The following AFAP1L2 variants were observed in gnomAD, a reference collection of about 807,000 sequenced individuals.
The protein encoded by AFAP1L2 is actin filament associated protein 1 like 2, also known as actin filament-associated protein 1-like 2.
In AFAP1L2, 46 loss-of-function variants were observed where a neutral mutation model predicts 99.3. The ratio of observed to expected loss-of-function variants is 0.46; its 90% CI spans 0.37 to 0.59. The LOEUF (loss-of-function observed/expected upper bound fraction) is 0.59. Among genes scored for constraint, AFAP1L2 ranks in the 20% least tolerant of loss-of-function variants. The pLI, the probability that AFAP1L2 is intolerant of heterozygous loss-of-function variation, is 0.00. For synonymous variants in AFAP1L2, 397 were observed against 419.1 expected (o/e 0.95, Z 0.64); for missense variants, 959 against 1,034.9 (o/e 0.93, Z 1.01).
At position 114,300,679 on chromosome 10, in the gene AFAP1L2, G is replaced by A. The variant is rs781265981; in HGVS notation, c.1554C>T (p.Thr518=). 49 of 1,592,046 alleles carry A rather than the reference G, an allele frequency of 3.1e-5. No homozygotes were observed. Among genetic ancestry groups the A allele is most frequent in the Admixed American group, 2.0e-4 (12 of 58,816 alleles). Reference sequence around the variant, plus strand: ...CATCTGCAACAGGGGTGGCTTCCTCGGTAGGCTCCACCTGCAGGAGAGAGT... The same window carrying A: ...CATCTGCAACAGGGGTGGCTTCCTCAGTAGGCTCCACCTGCAGGAGAGAGT... ...LSELTAAVEP[T]EEATPVADDP... The change falls in exon 14 of 19, where the codon ACC becomes ACT. Residue 518 remains threonine (T), a synonymous_variant. Coordinates refer to ENST00000304129, the MANE Select transcript of AFAP1L2 (RefSeq NM_001001936.3).
chr10:114,307,984 G>T, intron 9 of AFAP1L2, 75 bp from the exon 10 acceptor site: 1 of 1,325,524 alleles, frequency 7.5e-7, no homozygotes, highest in South Asian at 1.2e-5. Context: ...GGAAAAAATA[G>T]CAAACCCATT....
At chr10:114,353,490 T>C (rs540099949) in intron 1 of AFAP1L2, among the ~76,000 whole-genome samples, 175 of 152,324 alleles carry the variant, frequency 1.1e-3, no homozygotes, top group African/African-American at 3.9e-3. Flanking sequence ...CCAATTCTAG[T>C]TCATTCTGTG....
At chr10:114,286,036 C>T in the AFAP1L2 span, 7,821 of 1,614,166 alleles carry the variant, frequency 4.8e-3, 37 homozygotes, top group South Asian at 0.01. Flanking sequence ...CCAAAGTCTT[C>T]GTGAAGCGGT....
At chr10:114,310,318 A>G (rs762205309) in intron 8 of AFAP1L2, 36 bp downstream of exon 8, 1 of 1,572,844 alleles carries the variant, frequency 6.4e-7, no homozygotes, top group Non-Finnish European at 8.6e-7. Context: ...GAAAACATGG[A>G]AGGGGACTCT....
At chr10:114,358,576 T>C (rs1245188103) in intron 1 of AFAP1L2, among the ~76,000 whole-genome samples, 1 of 152,004 alleles carries the variant, frequency 6.6e-6, no homozygotes, top group Admixed American at 6.6e-5. Flanking sequence ...CAAATAACAA[T>C]AACAATAATA....
chr10:114,312,200 G>C (rs988851791), intron 7 of AFAP1L2, among the ~76,000 whole-genome samples: 18 of 152,076 alleles, frequency 1.2e-4, no homozygotes, highest in East Asian at 7.7e-4. Flanking sequence ...TGAGCAGTCA[G>C]AGGAACAGAG....
chr10:114,337,550 T>A (rs7894646), intron 2 of AFAP1L2, among the ~76,000 whole-genome samples: 92,701 of 152,146 alleles, frequency 0.61, 33,831 homozygotes, highest in East Asian at 0.91. Flanking sequence ...GGGGAACCCA[T>A]GACCAGTTCT....
intron 1 of AFAP1L2, among the ~76,000 whole-genome samples, chr10:114,382,588 C>CTTCTTTTTTTTTTTTTT (rs747277134): frequency 2.1e-5 from 2 of 93,294 alleles, no homozygotes; most frequent in African/African-American, 8.1e-5. Flanking sequence ...TATTTCTTCT[C>CTTCTTTTTTTTTTTTTT]TTTTTTTTTT....
At chr10:114,302,209 C>T in intron 12 of AFAP1L2, 130 bp downstream of exon 12, 1 of 1,362,864 alleles carries the variant, frequency 7.3e-7, no homozygotes, top group African/African-American at 1.4e-5. Flanking sequence ...CTTGGCTTCA[C>T]ATTTTCCTGC....
At chr10:114,376,115 C>T (rs1489030689) in intron 1 of AFAP1L2, among the ~76,000 whole-genome samples, 1 of 152,188 alleles carries the variant, frequency 6.6e-6, no homozygotes, top group African/African-American at 2.4e-5. Context: ...ACAGTTTCCT[C>T]CTACCTCTGC....
At chr10:114,401,595 T>A (rs997837513) in intron 1 of AFAP1L2, among the ~76,000 whole-genome samples, 1 of 152,152 alleles carries the variant, frequency 6.6e-6, no homozygotes, top group Non-Finnish European at 1.5e-5. Flanking sequence ...CTCATAAAAG[T>A]GCCATCTCTC....
chr10:114,337,577 C>G lies in AFAP1L2; in HGVS notation c.145+3026G>C, dbSNP rs140814268. ...ACCAGTTCTCAGCAGCTTCCCACCCCCTACGAGCTGCAGAGTCCACGGAGA... is the reference window on the plus strand; with the variant it reads ...ACCAGTTCTCAGCAGCTTCCCACCCGCTACGAGCTGCAGAGTCCACGGAGA... On this transcript the variant is annotated intron_variant, in intron 2 of 18. Transcript: ENST00000304129. Among the ~76,000 whole-genome samples the G allele has an allele frequency of 2.0e-3, 311 of 152,296 alleles. 1 individual carries two copies. Among genetic ancestry groups the G allele is most frequent in the Non-Finnish European group, 2.5e-3 (171 of 68,026 alleles).
At chr10:114,398,171 G>A (rs547264027) in intron 1 of AFAP1L2, among the ~76,000 whole-genome samples, 3 of 152,272 alleles carry the variant, frequency 2.0e-5, no homozygotes, top group East Asian at 1.9e-4. Context: ...TATGAGAGTC[G>A]AGTGATAGAA....
intron 1 of AFAP1L2, among the ~76,000 whole-genome samples, chr10:114,370,367 G>A (rs921533715): frequency 1.3e-5 from 2 of 152,212 alleles, no homozygotes; most frequent in Non-Finnish European, 2.9e-5. Flanking sequence ...GCTGAAATGA[G>A]TGGTGCTCAG....
downstream of AFAP1L2, among the ~76,000 whole-genome samples, chr10:114,292,824 G>A (rs1056101793): frequency 6.6e-6 from 1 of 151,950 alleles, no homozygotes; most frequent in African/African-American, 2.4e-5. Context: ...TCATGCCTCA[G>A]CCTCTTGAGT....
At chr10:114,335,995 A>T (rs1263186157) in intron 2 of AFAP1L2, among the ~76,000 whole-genome samples, 4 of 74,508 alleles carry the variant, frequency 5.4e-5, no homozygotes, top group Non-Finnish European at 1.8e-4. Context: ...TCACATACCT[A>T]TACAAAAAAT....
At chr10:114,319,719 C>A in intron 5 of AFAP1L2, 1 of 1,119,656 alleles carries the variant, frequency 8.9e-7, no homozygotes, top group Non-Finnish European at 1.2e-6. Flanking sequence ...CGCCCAAGTG[C>A]AGAGACACAA....
Position 114,300,218 on chromosome 10 carries a change from C to T in AFAP1L2, c.1933G>A (p.Asp645Asn). 6.2e-7 allele frequency: 1 copy of T among 1,614,226 alleles called. No homozygotes were observed. The highest frequency in any genetic ancestry group is 1.3e-5 in the African/African-American group (1 of 75,074). ...CCTGCACTGGTCACGCGCAACCTGT[C>T]CTTCACAGGTGGGCTGGCACCAGGT... ...TPPGASPPVK[D>N]RLRVTSAEIK... The change falls in exon 15 of 19, where the codon GAC (aspartate) becomes AAC (asparagine). Residue 645 changes from aspartate to asparagine, a missense_variant. Asp to Asn is a conservative substitution (Grantham distance 23). Around this residue, in one of 2 missense-constraint regions of AFAP1L2, gnomAD observed 576 missense variants for 562.1 expected, o/e 1.02. Transcript: ENST00000304129.
At chr10:114,280,807 T>C in the AFAP1L2 span, 2 of 152,206 alleles carry the variant, frequency 1.3e-5, no homozygotes, top group African/African-American at 4.8e-5. Flanking sequence ...GGCAGAATCA[T>C]GGCTTGGTGC....
Sources: gnomAD v4.1 joint callset for allele counts (sites outside exome capture counted in the v4.1 genomes callset) on GRCh38, gnomAD v4.1.1 for gene constraint, gnomAD v4.1.1 regional missense constraint, MANE v1.5 for transcripts, NCBI Gene and HGNC (gene_info 2026-07-23, HGNC 2026-07-21) for gene names.